The following TRABD2A variants were observed in gnomAD, a reference collection of about 807,000 sequenced individuals.
The protein encoded by TRABD2A is TraB domain containing 2A.
TRABD2A carries 43 observed loss-of-function variants against 45.6 expected under a neutral mutation model. That is an observed-to-expected ratio of 0.94 (90% confidence interval 0.74 to 1.22). The LOEUF is 1.22. TRABD2A is among the 50% of genes most tolerant of loss of function. TRABD2A has a pLI of 0.00. For missense variants in TRABD2A, 642 were observed against 652.4 expected, an observed-to-expected ratio of 0.98 and a Z score of 0.17; for synonymous variants, 269 against 265.0, an observed-to-expected ratio of 1.02 and a Z score of -0.15.
chr2:84,840,829 T>C (rs1681686822), intron 3 of TRABD2A, among the ~76,000 whole-genome samples: 1 of 152,220 alleles, frequency 6.6e-6, no homozygotes, highest in Non-Finnish European at 1.5e-5. Flanking sequence ...TTTGACTTTT[T>C]TTTCCTCTAG....
chr2:84,874,779 G>T, intron 1 of TRABD2A: 1 of 246,288 alleles, frequency 4.1e-6, no homozygotes, highest in Admixed American at 4.2e-5. Flanking sequence ...GGGGTCTGAG[G>T]ACTACAGTGA....
At chr2:84,861,260 A>G (rs556180930) in intron 2 of TRABD2A, among the ~76,000 whole-genome samples, 2 of 152,210 alleles carry the variant, frequency 1.3e-5, no homozygotes, top group South Asian at 2.1e-4. Context: ...CTTTATTTCT[A>G]TTATTATTAC....
At chr2:84,863,358 C>T (rs1334088369) in intron 2 of TRABD2A, among the ~76,000 whole-genome samples, 1 of 148,928 alleles carries the variant, frequency 6.7e-6, no homozygotes, top group African/African-American at 2.5e-5. Flanking sequence ...CATTCTCCTG[C>T]CTCAGCCTCC....
At chr2:84,839,600 G>A (rs1349527902) in intron 3 of TRABD2A, among the ~76,000 whole-genome samples, 1 of 149,094 alleles carries the variant, frequency 6.7e-6, no homozygotes, top group Non-Finnish European at 1.5e-5. Context: ...GATGCCGTGT[G>A]TTTATAAAAA....
At chr2:84,854,545 A>T (rs139666852) in intron 2 of TRABD2A, among the ~76,000 whole-genome samples, 1 of 152,374 alleles carries the variant, frequency 6.6e-6, no homozygotes, top group East Asian at 1.9e-4. Flanking sequence ...TGGGGGAGCC[A>T]GGATTCAAAC....
At chr2:84,873,686 A>G (rs557155399) in intron 1 of TRABD2A, among the ~76,000 whole-genome samples, 32 of 152,394 alleles carry the variant, frequency 2.1e-4, no homozygotes, top group African/African-American at 7.5e-4. Flanking sequence ...ATGCTAATCA[A>G]AAGTTGAGAT....
chr2:84,852,088 C>G (rs74393709), intron 2 of TRABD2A, among the ~76,000 whole-genome samples: 6,394 of 152,276 alleles, frequency 0.042, 145 homozygotes, highest in Middle Eastern at 0.082. Flanking sequence ...TGAGTCATCT[C>G]CTCTGGTTAT....
At chr2:84,845,569 G>A (rs1425346609) in intron 2 of TRABD2A, among the ~76,000 whole-genome samples, 1 of 150,680 alleles carries the variant, frequency 6.6e-6, no homozygotes, top group South Asian at 2.1e-4. Flanking sequence ...GGAGACAAGG[G>A]CGGGGGAAGA....
chr2:84,863,326 G>A (rs1259854420), intron 2 of TRABD2A, among the ~76,000 whole-genome samples: 1 of 135,098 alleles, frequency 7.4e-6, no homozygotes, highest in Non-Finnish European at 1.5e-5. Flanking sequence ...CTCACTGCAA[G>A]CTCCGCCTCC....
chr2:84,824,267 G>A, intron 5 of TRABD2A, 63 bp from the exon 6 acceptor site: 5 of 1,592,548 alleles, frequency 3.1e-6, no homozygotes, highest in Non-Finnish European at 4.3e-6. Flanking sequence ...GCCCTCCCCA[G>A]CTCTCTTACA....
At chr2:84,863,551 C>A (rs898093287) in intron 2 of TRABD2A, among the ~76,000 whole-genome samples, 4 of 150,230 alleles carry the variant, frequency 2.7e-5, no homozygotes, top group Non-Finnish European at 5.9e-5. Flanking sequence ...TCTTAAGATG[C>A]CAGTCTATAT....
intron 2 of TRABD2A, chr2:84,851,242 CA>C (rs1182686977): frequency 3.9e-5 from 6 of 152,240 alleles, no homozygotes; most frequent in African/African-American, 1.2e-4. Flanking sequence ...AAGCACAGCC[CA>C]GTCTAAGTCT....
chr2:84,870,834 G>T, intron 1 of TRABD2A, 49 bp from the exon 2 acceptor site: 1 of 1,465,102 alleles, frequency 6.8e-7, no homozygotes, highest in South Asian at 1.4e-5. Flanking sequence ...GGAGAGGCAT[G>T]GTCAGGAACC....
chr2:84,880,910 C>T, intron 1 of TRABD2A, 22 bp downstream of exon 1: 1 of 1,572,910 alleles, frequency 6.4e-7, no homozygotes, highest in Non-Finnish European at 8.6e-7. Context: ...GCCGGCTCTC[C>T]AGCACCCGAC....
intron 5 of TRABD2A, among the ~76,000 whole-genome samples, chr2:84,825,016 A>G (rs1681110808): frequency 6.6e-6 from 1 of 152,258 alleles, no homozygotes; most frequent in African/African-American, 2.4e-5. Flanking sequence ...AGTTTCTTCC[A>G]ACAACAGAAC....
intron 2 of TRABD2A, among the ~76,000 whole-genome samples, chr2:84,846,530 C>T (rs868475408): frequency 2.0e-5 from 3 of 152,206 alleles, no homozygotes; most frequent in Non-Finnish European, 4.4e-5. Flanking sequence ...ATCCTGCCCC[C>T]ACTGTGCTCA....
intron 1 of TRABD2A, among the ~76,000 whole-genome samples, chr2:84,873,201 A>G (rs1682923610): frequency 6.6e-6 from 1 of 151,846 alleles, no homozygotes; most frequent in Admixed American, 6.6e-5. Context: ...AGGGTGGATC[A>G]CTTGAGGTCA....
chr2:84,863,597 CTTTTTTTTT>C (rs55952015), intron 2 of TRABD2A, among the ~76,000 whole-genome samples: 61 of 78,118 alleles, frequency 7.8e-4, no homozygotes, highest in African/African-American at 2.8e-3. Context: ...TTCAAATTTT[CTTTTTTTTT>C]TTTTTTTTTT....
intron 2 of TRABD2A, among the ~76,000 whole-genome samples, chr2:84,846,183 G>T (rs1559089887): frequency 6.6e-6 from 1 of 152,218 alleles, no homozygotes; most frequent in Non-Finnish European, 1.5e-5. Flanking sequence ...AGTTTGAACA[G>T]TGGGCTGTGC....
Sources: allele counts gnomAD v4.1 joint callset (sites outside exome capture counted in the v4.1 genomes callset), GRCh38; gene constraint gnomAD v4.1.1; transcripts MANE v1.5; gene names NCBI Gene and HGNC (gene_info 2026-07-23, HGNC 2026-07-21).